Variants in SYK observed in about 807,000 individuals in gnomAD.
The protein encoded by SYK is tyrosine-protein kinase SYK.
In SYK, 16 loss-of-function variants were observed where a neutral mutation model predicts 77.8. That is an observed-to-expected ratio of 0.21 (90% CI 0.14 to 0.31). The LOEUF (loss-of-function observed/expected upper bound fraction) is 0.31, where lower values mean the gene tolerates loss of function less well. Among genes scored for constraint, SYK ranks in the 10% least tolerant of loss-of-function variants. SYK has a pLI of 1.00. For synonymous variants in SYK, 312 were observed against 308.7 expected, an observed-to-expected ratio of 1.01 and a Z score of -0.11; for missense variants, 529 against 814.4, an observed-to-expected ratio of 0.65 and a Z score of 4.26.
chr9:90,828,706 G>A (rs532351033), intron 1 of SYK, among the ~76,000 whole-genome samples: 10 of 152,090 alleles, frequency 6.6e-5, no homozygotes, highest in African/African-American at 2.2e-4. Context: ...TTGCGTGTGC[G>A]TCCCTTCCCC....
intron 9 of SYK, 75 bp from the exon 10 acceptor site, chr9:90,877,496 A>T (rs895593889): frequency 1.3e-6 from 2 of 1,516,118 alleles, no homozygotes; most frequent in Admixed American, 3.5e-5. Flanking sequence ...CAGGGGGATT[A>T]TGCTTCACAG....
At chr9:90,839,069 G>A (rs1232611032) in intron 1 of SYK, among the ~76,000 whole-genome samples, 2 of 152,184 alleles carry the variant, frequency 1.3e-5, no homozygotes, top group African/African-American at 4.8e-5. Flanking sequence ...CAGCAGCCTG[G>A]GCCACTGTGG....
chr9:90,816,621 C>T (rs1415827624), intron 1 of SYK, among the ~76,000 whole-genome samples: 1 of 152,202 alleles, frequency 6.6e-6, no homozygotes, highest in Non-Finnish European at 1.5e-5. Flanking sequence ...AATTAACATA[C>T]CCATCATCAT....
chr9:90,860,374 A>G (rs911792415), intron 3 of SYK, among the ~76,000 whole-genome samples: 3 of 152,258 alleles, frequency 2.0e-5, no homozygotes, highest in African/African-American at 4.8e-5. Context: ...TCACTTTATA[A>G]GATACTTTCC....
chr9:90,869,573 AAATGTCCC>A (rs1827649470), intron 7 of SYK, among the ~76,000 whole-genome samples: 1 of 152,230 alleles, frequency 6.6e-6, no homozygotes, highest in Admixed American at 6.5e-5. Flanking sequence ...GAATTATGTC[AAATGTCCC>A]ATCATGTTAG....
intron 2 of SYK, among the ~76,000 whole-genome samples, chr9:90,844,886 A>C (rs1372712286): frequency 2.0e-5 from 3 of 152,160 alleles, no homozygotes; most frequent in African/African-American, 4.8e-5. Context: ...TGCAGGATAA[A>C]CTTTGAAAGG....
At chr9:90,892,334 C>G (rs1000735) in intron 13 of SYK, among the ~76,000 whole-genome samples, 64,463 of 152,012 alleles carry the variant, frequency 0.42, 14,461 homozygotes, top group East Asian at 0.65. Context: ...AATGCCCAGT[C>G]TCTGATGATA....
chr9:90,810,311 A>G (rs1825025759), intron 1 of SYK, among the ~76,000 whole-genome samples: 1 of 152,066 alleles, frequency 6.6e-6, no homozygotes, highest in African/African-American at 2.4e-5. Flanking sequence ...CCAGCTCCAC[A>G]TGGCATGCTC....
chr9:90,884,089 AGATT>A (rs1459410710), intron 11 of SYK, among the ~76,000 whole-genome samples: 12 of 152,156 alleles, frequency 7.9e-5, no homozygotes, highest in Middle Eastern at 3.4e-3. Context: ...AATTATACAT[AGATT>A]AAATACTGCA....
At chr9:90,866,434 C>T (rs975271209) in intron 6 of SYK, among the ~76,000 whole-genome samples, 1 of 152,198 alleles carries the variant, frequency 6.6e-6, no homozygotes, top group African/African-American at 2.4e-5. Flanking sequence ...TACCAGTGAC[C>T]TTTGGGATCA....
chr9:90,834,043 T>G (rs1225392214), intron 1 of SYK, among the ~76,000 whole-genome samples: 2 of 152,166 alleles, frequency 1.3e-5, no homozygotes, highest in Non-Finnish European at 2.9e-5. Flanking sequence ...CTCCTCATGG[T>G]GTATCACGTG....
intron 13 of SYK, among the ~76,000 whole-genome samples, chr9:90,889,193 C>T (rs989366969): frequency 6.6e-6 from 1 of 152,236 alleles, no homozygotes; most frequent in Non-Finnish European, 1.5e-5. Context: ...GTACACCTGG[C>T]ATTATTCTTA....
chr9:90,895,477 C>T lies in SYK; in HGVS notation c.1836-51C>T. ...CTGCAGAGGCCCTGCTTGTGATCAG[C>T]AATTTTTCACAAGCACATTGACAAA... On this transcript the variant is annotated intron_variant, in intron 13 of 13. Transcript: ENST00000375754. The surrounding 1 kb of genome is among the most constrained non-coding windows in gnomAD (Gnocchi z 4.4). 1.3e-6 allele frequency: 2 copies of T among 1,593,602 alleles called. No individual in the cohort carries two copies. Among genetic ancestry groups the T allele is most frequent in the Non-Finnish European group, 1.7e-6 (2 of 1,163,110 alleles).
In SYK at chr9:90,884,440, C is replaced by T. The variant is rs1477562252; in HGVS notation, c.1582-3309C>T. Among the ~76,000 whole-genome samples the T allele has an allele frequency of 2.3e-5, 2 of 85,570 alleles. 1 individual carries two copies. The highest frequency in any genetic ancestry group is 5.0e-5 in the Non-Finnish European group (2 of 40,136). The allele number at this position is 85,570 out of a possible 152,430, so 56.1% of individuals were successfully genotyped here. Reference sequence around the variant, plus strand: ...ACATACATATACACATATGTGTGTACATATACATACACATACACATATGTG... The same window carrying T: ...ACATACATATACACATATGTGTGTATATATACATACACATACACATATGTG... On this transcript the variant is annotated intron_variant, in intron 11 of 13. Coordinates refer to ENST00000375754, the MANE Select transcript of SYK (RefSeq NM_003177.7).
rs1167435732 is a variant in SYK at position 90,884,699 on chromosome 9, A to G, written c.1582-3050A>G. On this transcript the variant is annotated intron_variant, in intron 11 of 13. Transcript: ENST00000375754. ...TATATACACATATACACATATGTGTACATGTACATATACACATATACACAT... is the reference window on the plus strand; with the variant it reads ...TATATACACATATACACATATGTGTGCATGTACATATACACATATACACAT... Among the ~76,000 whole-genome samples the G allele has an allele frequency of 1.2e-3, 44 of 38,040 alleles. 18 individuals are homozygous for G. Among genetic ancestry groups the G allele is most frequent in the Non-Finnish European group, 4.9e-4 (10 of 20,544 alleles). 25.0% of individuals were successfully genotyped at this position (38,040 alleles called of 152,430 possible).
chr9:90,825,776 T>A (rs1261785265), intron 1 of SYK, among the ~76,000 whole-genome samples: 1 of 152,120 alleles, frequency 6.6e-6, no homozygotes, highest in Non-Finnish European at 1.5e-5. Context: ...GTTATGTGGT[T>A]TTGGAGACAA....
intron 3 of SYK, among the ~76,000 whole-genome samples, chr9:90,861,440 TG>T (rs946853654): frequency 6.6e-6 from 1 of 152,202 alleles, no homozygotes; most frequent in Non-Finnish European, 1.5e-5. Context: ...TTTCTTCTCC[TG>T]GGGGTGTTAC....
chr9:90,895,440 C>CTCCT lies in SYK; in HGVS notation c.1836-87_1836-86insCCTT. On this transcript the variant is annotated intron_variant, in intron 13 of 13. Transcript: ENST00000375754. This position sits in a 1 kb window ranked among gnomAD's most constrained non-coding sequence, Gnocchi z 4.4. ...AGTTAGCCACCAGGGAGCAGCACCA[C>CTCCT]TGGTACTCAGCCTGCAGAGGCCCTG... 1 of 1,404,064 alleles carries CTCCT rather than the reference C, an allele frequency of 7.1e-7. No individual in the cohort carries two copies. The highest frequency in any genetic ancestry group is 1.0e-6 in the Non-Finnish European group (1 of 999,460). 87.0% of individuals were successfully genotyped at this position (1,404,064 alleles called of 1,614,324 possible). A position where few individuals can be genotyped will look rare whatever the true frequency, so the allele number is the denominator to read the frequency against.
In SYK at chr9:90,844,155, C is replaced by T. The variant is rs1422011734; in HGVS notation, c.257C>T (p.Ala86Val). The T allele has an allele frequency of 6.2e-7, 1 of 1,614,100 alleles. No homozygotes were observed. Residue 86 changes from alanine to valine, a missense_variant, in exon 2 of 14, where the codon GCC becomes GTC. Transcript: ENST00000375754. ...GGTGGCAGGACCCATGCCAGCCCCG[C>T]CGACCTCTGCCACTACCACTCCCAG... ...IAGGRTHASP[A>V]DLCHYHSQES...
Sources: gnomAD v4.1 joint callset for allele counts (sites outside exome capture counted in the v4.1 genomes callset) on GRCh38, gnomAD v4.1.1 for gene constraint, Gnocchi (gnomAD v3.1) non-coding constraint, MANE v1.5 for transcripts, NCBI Gene and HGNC (gene_info 2026-07-23, HGNC 2026-07-21) for gene names.